CDH12: variants seen among roughly 807,000 people sequenced by gnomAD.
CDH12 encodes the protein cadherin-12.
In CDH12, 41 loss-of-function variants were observed where a neutral mutation model predicts 74.1. That is an observed-to-expected ratio of 0.55 (90% CI 0.43 to 0.72). The LOEUF is 0.72. Ranked by LOEUF, CDH12 falls within the 30% of genes least tolerant of loss-of-function variation. The pLI is 0.00. For synonymous variants in CDH12, 399 were observed against 355.0 expected (o/e 1.12, Z -1.39); for missense variants, 945 against 977.2 (o/e 0.97, Z 0.44).
intron 1 of CDH12, among the ~76,000 whole-genome samples, chr5:22,733,649 A>C (rs568608668): frequency 6.6e-6 from 1 of 152,002 alleles, no homozygotes; most frequent in East Asian, 1.9e-4. Flanking sequence ...CATAAGCCCA[A>C]GTCCGTGAAA....
At chr5:22,189,945 C>G (rs1343155632) in intron 4 of CDH12, among the ~76,000 whole-genome samples, 1 of 152,026 alleles carries the variant, frequency 6.6e-6, no homozygotes, top group African/African-American at 2.4e-5. Context: ...TGAATGGACA[C>G]TTTCCATCAC....
intron 6 of CDH12, chr5:21,883,744 A>G: frequency 6.3e-7 from 1 of 1,587,838 alleles, no homozygotes; most frequent in Admixed American, 1.7e-5. Flanking sequence ...ACTAGTGAAT[A>G]TGAAAAGGAA....
At chr5:22,204,019 G>A (rs181823930) in intron 4 of CDH12, among the ~76,000 whole-genome samples, 68 of 152,220 alleles carry the variant, frequency 4.5e-4, no homozygotes, top group African/African-American at 1.3e-3. Context: ...AATCCACAGC[G>A]CAAAGAGACA....
chr5:21,949,401 G>T (rs1195531512), intron 6 of CDH12, among the ~76,000 whole-genome samples: 1 of 144,930 alleles, frequency 6.9e-6, no homozygotes, highest in Admixed American at 7.2e-5. Flanking sequence ...AGTGAGCCGA[G>T]ATCACGCCAC....
intron 4 of CDH12, among the ~76,000 whole-genome samples, chr5:22,176,829 T>C (rs1445707018): frequency 1.3e-5 from 2 of 152,060 alleles, no homozygotes; most frequent in Non-Finnish European, 2.9e-5. Flanking sequence ...TCTACCTCTT[T>C]CACTTCCTCC....
chr5:22,417,059 T>C (rs955450878), intron 2 of CDH12, among the ~76,000 whole-genome samples: 7 of 152,244 alleles, frequency 4.6e-5, no homozygotes, highest in African/African-American at 1.7e-4. Context: ...CTTTTCATTC[T>C]TTTGATTCTT....
intron 1 of CDH12, among the ~76,000 whole-genome samples, chr5:22,578,230 C>T (rs1429970335): frequency 1.3e-5 from 2 of 152,044 alleles, no homozygotes; most frequent in East Asian, 3.9e-4. Context: ...ATAGCCATAG[C>T]TCTAAGTATC....
At chr5:22,101,880 T>G (rs1412722029) in intron 4 of CDH12, among the ~76,000 whole-genome samples, 1 of 152,152 alleles carries the variant, frequency 6.6e-6, no homozygotes, top group Non-Finnish European at 1.5e-5. Flanking sequence ...TTGTGGAGCT[T>G]AAGGTCTCTG....
At chr5:22,170,442 G>T (rs1423358980) in intron 4 of CDH12, among the ~76,000 whole-genome samples, 1 of 151,658 alleles carries the variant, frequency 6.6e-6, no homozygotes, top group African/African-American at 2.4e-5. Flanking sequence ...ATCCTAAATT[G>T]TAGATATAAT....
At chr5:22,433,715 T>C (rs1744265443) in intron 2 of CDH12, among the ~76,000 whole-genome samples, 1 of 152,162 alleles carries the variant, frequency 6.6e-6, no homozygotes, top group Non-Finnish European at 1.5e-5. Flanking sequence ...AAATACTTTT[T>C]CTAAGAAAGC....
intron 1 of CDH12, among the ~76,000 whole-genome samples, chr5:22,532,978 G>T (rs183972441): frequency 6.6e-6 from 1 of 151,958 alleles, no homozygotes; most frequent in Admixed American, 6.6e-5. Flanking sequence ...AGTATACAGG[G>T]CAAATTACTA....
chr5:22,575,488 G>A (rs771207165), intron 1 of CDH12, among the ~76,000 whole-genome samples: 3 of 151,912 alleles, frequency 2.0e-5, no homozygotes, highest in Non-Finnish European at 4.4e-5. Flanking sequence ...CATCTCCTGT[G>A]CTCAAGCAAT....
chr5:22,511,929 ATGAT>A lies in CDH12; in HGVS notation c.-522-6569_-522-6566del, dbSNP rs1431966317. On this transcript the variant is annotated intron_variant, in intron 1 of 14. Transcript: ENST00000382254. ...AACTCATTGGAAAATATTTGTAACT[ATGAT>A]TGTGTGTGTGTGTGTGTGTGTGTGT... is the stretch of plus-strand genomic sequence containing the variant. Among the ~76,000 whole-genome samples the A allele has an allele frequency of 2.6e-4, 38 of 144,722 alleles. 1 individual carries two copies. Among genetic ancestry groups the A allele is most frequent in the African/African-American group, 8.9e-4 (34 of 38,278 alleles). The allele number at this position is 144,722 out of a possible 152,430, so 94.9% of individuals were successfully genotyped here. A position where few individuals can be genotyped will look rare whatever the true frequency, so the allele number is the denominator to read the frequency against.
chr5:22,062,282 G>A (rs960558186), intron 5 of CDH12, among the ~76,000 whole-genome samples: 5 of 152,048 alleles, frequency 3.3e-5, no homozygotes, highest in African/African-American at 4.8e-5. Flanking sequence ...AAAGGAGAGA[G>A]AACTAGCATA....
At chr5:22,627,075 A>T (rs1738337378) in intron 1 of CDH12, among the ~76,000 whole-genome samples, 1 of 152,206 alleles carries the variant, frequency 6.6e-6, no homozygotes, top group African/African-American at 2.4e-5. Flanking sequence ...AACCTCTGAG[A>T]AATGTGGGAT....
intron 1 of CDH12, among the ~76,000 whole-genome samples, chr5:22,771,702 T>A (rs545631427): frequency 1.8e-4 from 27 of 152,138 alleles, no homozygotes; most frequent in Non-Finnish European, 3.7e-4. Context: ...CTTTAATTTC[T>A]AATTATTTTT....
At chr5:22,777,913 A>C (rs1445382517) in intron 1 of CDH12, among the ~76,000 whole-genome samples, 3 of 152,046 alleles carry the variant, frequency 2.0e-5, no homozygotes, top group African/African-American at 7.2e-5. Flanking sequence ...TCCTGGGTTC[A>C]AGCAATTCTC....
intron 3 of CDH12, among the ~76,000 whole-genome samples, chr5:22,397,580 C>T (rs563199818): frequency 1.3e-5 from 2 of 151,412 alleles, no homozygotes; most frequent in South Asian, 2.1e-4. Context: ...AATTTTGTAA[C>T]CTTATAATGC....
chr5:22,813,745 GC>G lies in CDH12; in HGVS notation c.-523+39312del, dbSNP rs1222263773. Among the ~76,000 whole-genome samples the G allele has an allele frequency of 2.6e-5, 4 of 152,132 alleles. No individual in the cohort carries two copies. In the East Asian group the frequency reaches 7.8e-4, roughly 29 times the overall value. On this transcript the variant is annotated intron_variant, in intron 1 of 14. Coordinates refer to ENST00000382254, the MANE Select transcript of CDH12 (RefSeq NM_004061.5). The stretch of plus-strand genomic sequence containing the variant: ...ACTGCTCAACTGCAAAAAAACTAAG[GC>G]CCTAAACCAAAGAGCCCACAAGGAA...
Sources: allele counts gnomAD v4.1 joint callset (sites outside exome capture counted in the v4.1 genomes callset), GRCh38; gene constraint gnomAD v4.1.1; transcripts MANE v1.5; gene names NCBI Gene and HGNC (gene_info 2026-07-23, HGNC 2026-07-21).